Variants in CEP85 observed in about 807,000 individuals in gnomAD.
CEP85 encodes the protein centrosomal protein 85.
Under a neutral mutation model 93.7 loss-of-function variants are expected in CEP85, and 58 were observed. The ratio of observed to expected loss-of-function variants is 0.62; its 90% confidence interval spans 0.50 to 0.77. The LOEUF (loss-of-function observed/expected upper bound fraction) is 0.77. CEP85 is among the 30% of genes least tolerant of loss of function. The pLI is 0.00. For missense variants in CEP85, 868 were observed against 922.0 expected, an observed-to-expected ratio of 0.94 and a Z score of 0.76; for synonymous variants, 314 against 338.6, an observed-to-expected ratio of 0.93 and a Z score of 0.80.
At chr1:26,258,647 A>G (rs1223567325) in intron 6 of CEP85, among the ~76,000 whole-genome samples, 1 of 151,378 alleles carries the variant, frequency 6.6e-6, no homozygotes, top group Non-Finnish European at 1.5e-5. Context: ...CCCAGGCTGG[A>G]GTGCAGTGGC....
chr1:26,241,243 A>ATTTTTTTTTTTTTTT lies in CEP85; in HGVS notation c.55+1405_55+1406insTTTTTTTTTTTTTTT, dbSNP rs1433524136. On this transcript the variant is annotated intron_variant, in intron 2 of 13. Coordinates refer to ENST00000451429, the MANE Select transcript of CEP85 (RefSeq NM_001319944.2). ...AATCAATTCAAGATTCATTCAGCAG[A>ATTTTTTTTTTTTTTT]ATTTTTTTTTTTTTTTTGAAATGGA... is the stretch of plus-strand genomic sequence containing the variant. Among the ~76,000 whole-genome samples the ATTTTTTTTTTTTTTT allele has an allele frequency of 3.4e-4, 21 of 61,816 alleles. 1 individual carries two copies. The highest frequency in any genetic ancestry group is 5.5e-4 in the African/African-American group (9 of 16,432). The allele number at this position is 61,816 out of a possible 152,430, so 40.6% of individuals were successfully genotyped here.
intron 7 of CEP85, among the ~76,000 whole-genome samples, chr1:26,264,710 G>A (rs965864004): frequency 2.6e-5 from 4 of 152,076 alleles, no homozygotes; most frequent in Non-Finnish European, 5.9e-5. Flanking sequence ...TCTTCAACCT[G>A]CTGCCTGGTG....
chr1:26,261,227 C>T (rs2089802594), intron 7 of CEP85, among the ~76,000 whole-genome samples: 1 of 151,280 alleles, frequency 6.6e-6, no homozygotes, highest in Non-Finnish European at 1.5e-5. Flanking sequence ...AATCCCTGCA[C>T]TTTGGGAGGC....
Position 26,258,298 on chromosome 1 carries a change from T to C in CEP85, c.1155+38T>C, listed in dbSNP as rs753781888. 4 of 1,337,174 alleles carry C rather than the reference T, an allele frequency of 3.0e-6. No homozygotes were observed. In the Admixed American group the frequency reaches 6.7e-5, roughly 23 times the overall value. The allele number at this position is 1,337,174 out of a possible 1,614,324, so 82.8% of individuals were successfully genotyped here. On this transcript the variant is annotated intron_variant, in intron 6 of 13. Coordinates refer to ENST00000451429, the MANE Select transcript of CEP85 (RefSeq NM_001319944.2). Reference sequence around the variant, plus strand: ...CATCAGGATGGCATTCTGTTTGTCATAACTCGGTGTCTTCCCTATGCTTGA... The same window carrying C: ...CATCAGGATGGCATTCTGTTTGTCACAACTCGGTGTCTTCCCTATGCTTGA...
intron 5 of CEP85, 142 bp downstream of exon 5, chr1:26,257,872 C>A (rs747143074): frequency 3.9e-5 from 36 of 934,348 alleles, no homozygotes; most frequent in Non-Finnish European, 5.4e-5. Flanking sequence ...GTTTGATAAG[C>A]AGCCTAGTCG....
chr1:26,268,706 G>T, intron 8 of CEP85, 71 bp downstream of exon 8: 1 of 1,382,304 alleles, frequency 7.2e-7, no homozygotes, highest in Non-Finnish European at 9.9e-7. Flanking sequence ...TTCATCATCT[G>T]CTGTATGCAG....
chr1:26,253,704 A>G (rs934481526), intron 3 of CEP85, among the ~76,000 whole-genome samples: 1 of 151,474 alleles, frequency 6.6e-6, no homozygotes, highest in Non-Finnish European at 1.5e-5. Context: ...CTTTTTCATC[A>G]TAGCCATTCT....
rs777426552 is a variant in CEP85, at chr1:26,276,688, G to C, written c.2056G>C (p.Ala686Pro). The change falls in exon 13 of 14, where the codon GCT becomes CCT. Residue 686 changes from alanine to proline, a missense_variant. Physicochemically the swap from Ala to Pro is conservative, Grantham distance 27 (BLOSUM62 -1). Transcript: ENST00000451429. ...GGCCAGTTGCCTTCAAGATCTGCAG[G>C]CTGTCTGTAGCATTGTGACCCAGAG... ...ELASCLQDLQ[A>P]VCSIVTQRAQ... 1 of 1,614,156 alleles carries C rather than the reference G, an allele frequency of 6.2e-7. No homozygotes were observed. The highest frequency in any genetic ancestry group is 8.5e-7 in the Non-Finnish European group (1 of 1,180,032).
At chr1:26,252,186 G>A (rs189266398) in intron 3 of CEP85, among the ~76,000 whole-genome samples, 26 of 151,702 alleles carry the variant, frequency 1.7e-4, no homozygotes, top group Admixed American at 5.3e-4. Flanking sequence ...AGCCAAGATC[G>A]TGCCACTGCA....
At chr1:26,252,901 C>T (rs2089640852) in intron 3 of CEP85, among the ~76,000 whole-genome samples, 1 of 152,132 alleles carries the variant, frequency 6.6e-6, no homozygotes, top group Non-Finnish European at 1.5e-5. Flanking sequence ...TCTCTCGATT[C>T]CCCCTGCTCC....
rs774208005 is a variant in CEP85 at position 26,255,647 on chromosome 1, C to T, written c.685C>T (p.Pro229Ser). ...AGTGTTGCCTGAGGCCAAGAAGGCA[C>T]CGGGCAGCGGGGCAGTGTTTGAGCG... Reference protein sequence around the residue: ...YRVLPEAKKAPGSGAVFERNG... With the variant: ...YRVLPEAKKASGSGAVFERNG... Residue 229 changes from proline to serine, a missense_variant, in exon 4 of 14, where the codon CCG becomes TCG. Transcript: ENST00000451429. The T allele has an allele frequency of 1.8e-5, 29 of 1,614,052 alleles. No homozygotes were observed. The South Asian group carries it at 3.1e-4, about 17-fold the overall frequency.
chr1:26,239,361 A>AT (rs1288932498), intron 1 of CEP85, among the ~76,000 whole-genome samples: 3 of 151,748 alleles, frequency 2.0e-5, no homozygotes, highest in South Asian at 2.1e-4. Flanking sequence ...ATTCTTTTTT[A>AT]TTTTTTTTGA....
intron 3 of CEP85, among the ~76,000 whole-genome samples, chr1:26,245,250 A>G (rs2089491550): frequency 6.6e-6 from 1 of 151,286 alleles, no homozygotes; most frequent in Non-Finnish European, 1.5e-5. Flanking sequence ...GCTGGTCTCA[A>G]ACTCTTTGCC....
intron 6 of CEP85, among the ~76,000 whole-genome samples, chr1:26,258,949 C>T (rs1045424457): frequency 6.6e-6 from 1 of 152,134 alleles, no homozygotes; most frequent in Non-Finnish European, 1.5e-5. Flanking sequence ...AATATTCTCA[C>T]TGAGATCAAT....
intron 11 of CEP85, among the ~76,000 whole-genome samples, chr1:26,273,879 C>T (rs968460551): frequency 2.7e-5 from 4 of 147,916 alleles, no homozygotes; most frequent in Non-Finnish European, 4.5e-5. Flanking sequence ...CCAGTCTGGG[C>T]GACAGAGTGA....
chr1:26,276,808 C>T (rs1352254980), intron 13 of CEP85, 48 bp downstream of exon 13: 1 of 1,386,982 alleles, frequency 7.2e-7, no homozygotes, highest in Non-Finnish European at 1.0e-6. Context: ...GTCCTTCTTT[C>T]TCTTCTCTCC....
Position 26,277,251 on chromosome 1 carries a change from C to T in CEP85, c.2244C>T (p.Asp748=), listed in dbSNP as rs1321462290. The T allele has an allele frequency of 3.1e-6, 5 of 1,614,150 alleles. No homozygotes were observed. The highest frequency in any genetic ancestry group is 1.6e-4 in the Middle Eastern group (1 of 6,062). ...DIEDLRTTMS[D]RYAQDMGENC... is the part of the protein sequence containing the mutation. ...AGGACTTAAGGACCACCATGTCAGACAGATATGCCCAGGACATGGGAGAAA... is the reference window on the plus strand; with the variant it reads ...AGGACTTAAGGACCACCATGTCAGATAGATATGCCCAGGACATGGGAGAAA... The change falls in exon 14 of 14, where the codon GAC becomes GAT. Residue 748 remains aspartate, a synonymous_variant. Coordinates refer to ENST00000451429, the MANE Select transcript of CEP85 (RefSeq NM_001319944.2).
chr1:26,263,902 G>A (rs943978627), intron 7 of CEP85, among the ~76,000 whole-genome samples: 8 of 152,104 alleles, frequency 5.3e-5, no homozygotes, highest in African/African-American at 1.9e-4. Flanking sequence ...ATGGAGGGCC[G>A]ACATATATGT....
intron 10 of CEP85, 127 bp downstream of exon 10, chr1:26,271,234 C>T: frequency 1.7e-6 from 1 of 590,590 alleles, no homozygotes; most frequent in Non-Finnish European, 3.0e-6. Flanking sequence ...GCTTTTCTTT[C>T]TTTTCGGAGA....
Sources: allele counts gnomAD v4.1 joint callset (sites outside exome capture counted in the v4.1 genomes callset), GRCh38; gene constraint gnomAD v4.1.1; transcripts MANE v1.5; gene names NCBI Gene and HGNC (gene_info 2026-07-23, HGNC 2026-07-21).